The following ROCK1 variants were observed in gnomAD, a reference collection of about 807,000 sequenced individuals.
ROCK1 encodes the protein rho-associated protein kinase 1.
Under a neutral mutation model 196.8 loss-of-function variants are expected in ROCK1, and 36 were observed. That is an observed-to-expected ratio of 0.18 (90% CI 0.14 to 0.24). ROCK1 has a LOEUF of 0.24. Among genes scored for constraint, ROCK1 ranks in the 10% least tolerant of loss-of-function variants. ROCK1 has a pLI of 1.00. For missense variants in ROCK1, 920 were observed against 1,562.0 expected, an observed-to-expected ratio of 0.59 and a Z score of 6.93; for synonymous variants, 443 against 515.9, an observed-to-expected ratio of 0.86 and a Z score of 1.91.
chr18:21,101,540 T>C (rs2036659665), intron 1 of ROCK1, among the ~76,000 whole-genome samples: 1 of 152,202 alleles, frequency 6.6e-6, no homozygotes, highest in African/African-American at 2.4e-5. Context: ...TTAAATTACA[T>C]CATTAGGAAA....
intron 29 of ROCK1, among the ~76,000 whole-genome samples, chr18:20,959,478 C>T (rs887140457): frequency 5.9e-4 from 90 of 151,392 alleles, no homozygotes; most frequent in African/African-American, 2.0e-3. Context: ...TCCCAAAGTG[C>T]TGGGGTTACA....
At chr18:21,038,125 T>C (rs1373748653) in intron 9 of ROCK1, among the ~76,000 whole-genome samples, 1 of 152,134 alleles carries the variant, frequency 6.6e-6, no homozygotes, top group Non-Finnish European at 1.5e-5. Flanking sequence ...TTCTTAAACT[T>C]TACTAAGAGA....
At chr18:21,092,755 T>C (rs1194365038) in intron 1 of ROCK1, among the ~76,000 whole-genome samples, 6 of 152,180 alleles carry the variant, frequency 3.9e-5, no homozygotes, top group Non-Finnish European at 4.4e-5. Flanking sequence ...GGAGCTGTGA[T>C]GAATCACAAG....
Position 20,951,399 on chromosome 18 carries a change from G to A in ROCK1, c.4062-12C>T. The A allele has an allele frequency of 6.3e-7, 1 of 1,589,946 alleles. No individual in the cohort carries two copies. Among genetic ancestry groups the A allele is most frequent in the Non-Finnish European group, 8.6e-7 (1 of 1,167,476 alleles). On this transcript the variant is annotated splice_polypyrimidine_tract_variant and intron_variant, in intron 32 of 32. Transcript: ENST00000399799. ...AGTCACATGGTTAACTGTTGAGGGAGGGGGAAAAAACTAATTTAAGAAATG... is the reference window on the plus strand; with the variant it reads ...AGTCACATGGTTAACTGTTGAGGGAAGGGGAAAAAACTAATTTAAGAAATG...
At chr18:21,007,701 C>T (rs1165248034) in intron 14 of ROCK1, among the ~76,000 whole-genome samples, 1 of 152,052 alleles carries the variant, frequency 6.6e-6, no homozygotes, top group African/African-American at 2.4e-5. Flanking sequence ...TTAGAAGTAC[C>T]TAGGGGGCTT....
At chr18:20,951,901 T>C (rs1372392597) in intron 32 of ROCK1, among the ~76,000 whole-genome samples, 1 of 152,128 alleles carries the variant, frequency 6.6e-6, no homozygotes, top group African/African-American at 2.4e-5. Context: ...GGGAGTACAC[T>C]CTAGGGAAGG....
At chr18:20,989,505 T>A (rs1275699720) in intron 18 of ROCK1, among the ~76,000 whole-genome samples, 5 of 152,248 alleles carry the variant, frequency 3.3e-5, no homozygotes, top group Non-Finnish European at 7.3e-5. Context: ...GGATATTTTT[T>A]AATTTTTTTC....
At chr18:21,023,167 G>A (rs2035928336) in intron 11 of ROCK1, among the ~76,000 whole-genome samples, 1 of 152,062 alleles carries the variant, frequency 6.6e-6, no homozygotes, top group East Asian at 1.9e-4. Context: ...GAGATGGATG[G>A]CAGTGATGGC....
chr18:21,073,237 C>T (rs1375137376), intron 1 of ROCK1, among the ~76,000 whole-genome samples: 1 of 152,014 alleles, frequency 6.6e-6, no homozygotes, highest in Non-Finnish European at 1.5e-5. Context: ...AAGGTAGTTA[C>T]ATAAGAGAAG....
At position 21,039,669 on chromosome 18, in the gene ROCK1, T is replaced by C. The variant is rs541152653; in HGVS notation, c.960-106A>G. 5.4e-6 allele frequency: 4 copies of C among 740,440 alleles called. No individual in the cohort carries two copies. The South Asian group carries it at 6.4e-5, about 12-fold the overall frequency. The allele number at this position is 740,440 out of a possible 1,614,324, so 45.9% of individuals were successfully genotyped here. ...TATTAAATCAGTGTAGGACGACAAA[T>C]ATAGTTCTAAGGTGAAATTATATTG... On this transcript the variant is annotated intron_variant, in intron 8 of 32. Coordinates refer to ENST00000399799, the MANE Select transcript of ROCK1 (RefSeq NM_005406.3).
chr18:21,076,530 A>G lies in ROCK1; in HGVS notation c.94-5917T>C, dbSNP rs573304786. ...AACAAAAAAGAAACAGTTAAATGAT[A>G]AGTTTTATGATACGTTTGTGTGTGT... is the stretch of plus-strand genomic sequence containing the variant. On this transcript the variant is annotated intron_variant, in intron 1 of 32. Transcript: ENST00000399799. Among the ~76,000 whole-genome samples, 150 of 152,276 alleles carry G rather than the reference A, an allele frequency of 9.9e-4. 1 individual carries two copies. The highest frequency in any genetic ancestry group is 3.5e-3 in the African/African-American group (147 of 41,562).
chr18:20,990,812 G>A (rs2035618469), intron 18 of ROCK1, among the ~76,000 whole-genome samples: 1 of 150,800 alleles, frequency 6.6e-6, no homozygotes, highest in East Asian at 2.0e-4. Flanking sequence ...CCAGGCTGGA[G>A]AACAGTGACA....
At chr18:21,067,842 T>A (rs2036349866) in intron 2 of ROCK1, among the ~76,000 whole-genome samples, 1 of 152,242 alleles carries the variant, frequency 6.6e-6, no homozygotes, top group African/African-American at 2.4e-5. Flanking sequence ...CTATGTTTTC[T>A]CCTAAGAGTT....
chr18:21,060,646 C>T (rs1293722388), intron 2 of ROCK1, among the ~76,000 whole-genome samples: 1 of 152,046 alleles, frequency 6.6e-6, no homozygotes, highest in African/African-American at 2.4e-5. Flanking sequence ...TTAAGATCAG[C>T]CTGACCAACA....
intron 32 of ROCK1, 112 bp from the exon 33 acceptor site, chr18:20,951,499 A>C: frequency 1.3e-6 from 1 of 769,408 alleles, no homozygotes. Flanking sequence ...TAAAATAATT[A>C]ACAATTACAC....
chr18:21,055,901 G>A (rs2036241807), intron 2 of ROCK1, among the ~76,000 whole-genome samples: 1 of 152,150 alleles, frequency 6.6e-6, no homozygotes, highest in Non-Finnish European at 1.5e-5. Context: ...AGTCACAAAT[G>A]AGCATCATGT....
intron 1 of ROCK1, among the ~76,000 whole-genome samples, chr18:21,078,378 A>G (rs2036453932): frequency 7.1e-6 from 1 of 140,828 alleles, no homozygotes. Flanking sequence ...ACACACAGAG[A>G]GAGAGAGAGA....
intron 9 of ROCK1, among the ~76,000 whole-genome samples, chr18:21,034,989 GA>G (rs1346929458): frequency 6.6e-6 from 1 of 152,150 alleles, no homozygotes; most frequent in Non-Finnish European, 1.5e-5. Flanking sequence ...AATCTCTCAA[GA>G]GAAGATATAC....
intron 1 of ROCK1, among the ~76,000 whole-genome samples, chr18:21,083,511 T>C (rs1298374004): frequency 6.6e-6 from 1 of 151,594 alleles, no homozygotes; most frequent in Non-Finnish European, 1.5e-5. Context: ...AAGTTTCAAC[T>C]GCATGAGTCC....
Sources: gnomAD v4.1 joint callset for allele counts (sites outside exome capture counted in the v4.1 genomes callset) on GRCh38, gnomAD v4.1.1 for gene constraint, MANE v1.5 for transcripts, NCBI Gene and HGNC (gene_info 2026-07-23, HGNC 2026-07-21) for gene names.